Variants in CDH12 observed in about 807,000 individuals in gnomAD.
CDH12 encodes cadherin 12, also known as cadherin-12.
A neutral mutation model predicts 74.1 loss-of-function variants in CDH12; 41 were observed. The observed-to-expected ratio is 0.55, with a 90% CI of 0.43 to 0.72. The LOEUF (loss-of-function observed/expected upper bound fraction) is 0.72, where lower values mean the gene tolerates loss of function less well. Among genes scored for constraint, CDH12 ranks in the 30% least tolerant of loss-of-function variants. CDH12 has a pLI of 0.00. For synonymous variants in CDH12, 399 were observed against 355.0 expected, an observed-to-expected ratio of 1.12 and a Z score of -1.39; for missense variants, 945 against 977.2, an observed-to-expected ratio of 0.97 and a Z score of 0.44.
intron 10 of CDH12, among the ~76,000 whole-genome samples, chr5:21,794,780 T>C (rs1053428310): frequency 4.6e-5 from 7 of 151,722 alleles, no homozygotes; most frequent in Non-Finnish European, 1.0e-4. Context: ...GTAAAGTAAT[T>C]CATGAAGAAT....
rs1194848852 is a variant in CDH12, at chr5:22,788,822, T to A, written c.-523+64236A>T. On this transcript the variant is annotated intron_variant, in intron 1 of 14. Coordinates refer to ENST00000382254, the MANE Select transcript of CDH12 (RefSeq NM_004061.5). ...CATGCTAAAATAAGGAACCTGAAGA[T>A]GGATGTGGTGCAGTTCACTCTATCA... 2.0e-5 allele frequency among the ~76,000 whole-genome samples: 3 copies of A among 151,826 alleles called. No individual in the cohort carries two copies. In the South Asian group the frequency reaches 6.2e-4, roughly 31 times the overall value.
intron 5 of CDH12, among the ~76,000 whole-genome samples, chr5:21,981,370 T>A (rs1757299035): frequency 6.6e-6 from 1 of 152,070 alleles, no homozygotes; most frequent in African/African-American, 2.4e-5. Context: ...GTCTATATAT[T>A]TTTTACATAC....
At chr5:22,045,257 T>C (rs1305015315) in intron 5 of CDH12, among the ~76,000 whole-genome samples, 1 of 152,156 alleles carries the variant, frequency 6.6e-6, no homozygotes. Context: ...CTTACTCCAG[T>C]TACAATGGCT....
At chr5:22,205,055 G>T (rs1751145785) in intron 4 of CDH12, among the ~76,000 whole-genome samples, 1 of 152,210 alleles carries the variant, frequency 6.6e-6, no homozygotes, top group South Asian at 2.1e-4. Context: ...GTACACAATA[G>T]TTACTGAGTA....
At chr5:21,827,039 G>A (rs948406692) in intron 8 of CDH12, among the ~76,000 whole-genome samples, 1 of 151,932 alleles carries the variant, frequency 6.6e-6, no homozygotes, top group Non-Finnish European at 1.5e-5. Context: ...AGAAGAAAAA[G>A]GCACAATTGG....
chr5:22,123,516 T>C (rs906692142), intron 4 of CDH12, among the ~76,000 whole-genome samples: 3 of 152,154 alleles, frequency 2.0e-5, no homozygotes, highest in Non-Finnish European at 4.4e-5. Context: ...GGGTATGTAG[T>C]CGTTCGATTT....
At chr5:22,519,686 G>A (rs1736964957) in intron 1 of CDH12, among the ~76,000 whole-genome samples, 1 of 151,958 alleles carries the variant, frequency 6.6e-6, no homozygotes, top group Admixed American at 6.6e-5. Flanking sequence ...GTCAAATTAT[G>A]GTAGTTGGGA....
intron 5 of CDH12, among the ~76,000 whole-genome samples, chr5:22,022,019 T>C (rs1738015409): frequency 6.6e-6 from 1 of 152,150 alleles, no homozygotes; most frequent in Non-Finnish European, 1.5e-5. Flanking sequence ...AAATTTTTTG[T>C]AGAGACAGAG....
intron 5 of CDH12, among the ~76,000 whole-genome samples, chr5:21,985,448 A>C (rs1185789444): frequency 6.6e-6 from 1 of 152,166 alleles, no homozygotes; most frequent in Admixed American, 6.6e-5. Context: ...CTCTCAGTAC[A>C]TTTTGTTATA....
rs567289334 is a variant in CDH12 at position 22,695,733 on chromosome 5, CTT to C, written c.-523+157323_-523+157324del. Among the ~76,000 whole-genome samples, 706 of 152,114 alleles carry C rather than the reference CTT, an allele frequency of 4.6e-3. 5 individuals carry two copies. Among genetic ancestry groups the C allele is most frequent in the Middle Eastern group, 0.014 (4 of 294 alleles). On this transcript the variant is annotated intron_variant, in intron 1 of 14. Coordinates refer to ENST00000382254, the MANE Select transcript of CDH12 (RefSeq NM_004061.5). ...ATTGCTTGGAATTTAGAGATTAAAT[CTT>C]GGCATTTGCATAACATTTTTAATGA...
chr5:21,821,398 G>A (rs947058011), intron 8 of CDH12, among the ~76,000 whole-genome samples: 2 of 151,810 alleles, frequency 1.3e-5, no homozygotes, highest in South Asian at 2.1e-4. Flanking sequence ...TTAAGTGAAT[G>A]AATGACTTTA....
intron 6 of CDH12, among the ~76,000 whole-genome samples, chr5:21,953,134 G>A (rs1283330569): frequency 6.6e-6 from 1 of 151,560 alleles, no homozygotes; most frequent in Non-Finnish European, 1.5e-5. Flanking sequence ...TATTCTCTCT[G>A]AGGGCCACCT....
chr5:22,010,699 G>A (rs1398896651), intron 5 of CDH12, among the ~76,000 whole-genome samples: 2 of 152,058 alleles, frequency 1.3e-5, no homozygotes, highest in Non-Finnish European at 2.9e-5. Context: ...ATTCTCATTT[G>A]TGCCCAATGA....
Position 22,633,401 on chromosome 5 carries a change from T to A in CDH12, c.-522-128037A>T, listed in dbSNP as rs145495951. Among the ~76,000 whole-genome samples, 551 of 152,328 alleles carry A rather than the reference T, an allele frequency of 3.6e-3. 1 individual carries two copies. The highest frequency in any genetic ancestry group is 0.01 in the African/African-American group (424 of 41,578). ...TTAAAATATTATATAATGCAATGGT[T>A]ATAAACTTATTTGAATAATGTGATG... On this transcript the variant is annotated intron_variant, in intron 1 of 14. Transcript: ENST00000382254.
At chr5:22,402,066 T>C (rs1486055832) in intron 3 of CDH12, among the ~76,000 whole-genome samples, 1 of 152,184 alleles carries the variant, frequency 6.6e-6, no homozygotes, top group Non-Finnish European at 1.5e-5. Flanking sequence ...ACCCAATGTG[T>C]GGCCATTTGT....
At chr5:22,701,655 C>A (rs1247383924) in intron 1 of CDH12, among the ~76,000 whole-genome samples, 1 of 152,020 alleles carries the variant, frequency 6.6e-6, no homozygotes, top group Non-Finnish European at 1.5e-5. Flanking sequence ...GGTTTTAGAT[C>A]AATTTGGGAG....
chr5:22,558,969 C>T (rs1738924425), intron 1 of CDH12, among the ~76,000 whole-genome samples: 1 of 151,994 alleles, frequency 6.6e-6, no homozygotes. Flanking sequence ...CAAAAAGATG[C>T]CACTGCTTGT....
At chr5:22,245,215 C>A (rs543139138) in intron 3 of CDH12, among the ~76,000 whole-genome samples, 15 of 152,172 alleles carry the variant, frequency 9.9e-5, no homozygotes, top group East Asian at 3.9e-4. Context: ...GGTTTAAAAT[C>A]GGGCTACTGA....
chr5:21,988,977 T>C, intron 5 of CDH12, among the ~76,000 whole-genome samples: 1 of 152,128 alleles, frequency 6.6e-6, no homozygotes, highest in Admixed American at 6.6e-5. Flanking sequence ...TACATCTGCG[T>C]ATATTTGAGG....
Sources: allele counts gnomAD v4.1 joint callset (sites outside exome capture counted in the v4.1 genomes callset), GRCh38; gene constraint gnomAD v4.1.1; transcripts MANE v1.5; gene names NCBI Gene and HGNC (gene_info 2026-07-23, HGNC 2026-07-21).